Variants in SEC23B observed in about 807,000 individuals in gnomAD.
SEC23B encodes SEC23 homolog B, COPII component.
Under a neutral mutation model 104.3 loss-of-function variants are expected in SEC23B, and 77 were observed. The ratio of observed to expected loss-of-function variants is 0.74; its 90% CI spans 0.61 to 0.89. SEC23B has a LOEUF of 0.89. Ranked by LOEUF, SEC23B falls within the 40% of genes least tolerant of loss-of-function variation. The pLI is 0.00. For synonymous variants in SEC23B, 338 were observed against 332.5 expected (o/e 1.02, Z -0.18); for missense variants, 885 against 949.4 (o/e 0.93, Z 0.89).
chr20:18,508,641 A>G (rs2059953576), intron 1 of SEC23B, among the ~76,000 whole-genome samples: 1 of 151,502 alleles, frequency 6.6e-6, no homozygotes, highest in South Asian at 2.1e-4. Context: ...GGTGAGGGAA[A>G]CAGGCAGTAG....
chr20:18,548,465 G>T, intron 15 of SEC23B, 144 bp from the exon 16 acceptor site: 1 of 760,328 alleles, frequency 1.3e-6, no homozygotes, highest in South Asian at 1.6e-5. Flanking sequence ...AGCCCCTGGT[G>T]CCCCCTTATG....
chr20:18,559,755 G>A (rs954614252), intron 19 of SEC23B, among the ~76,000 whole-genome samples: 4 of 152,160 alleles, frequency 2.6e-5, no homozygotes, highest in African/African-American at 9.7e-5. Flanking sequence ...TGAGGCATAA[G>A]AAAGCCCAAG....
At position 18,543,145 on chromosome 20, in the gene SEC23B, G is replaced by C. The variant is rs138623580; in HGVS notation, c.1638G>C (p.Arg546=). ...AESEEGPDVL[R]WLDRQLIRLC... ...CAGAGGAGGGGCCCGATGTGCTCCG[G>C]TGGCTGGACCGACAACTCATCCGAC... The change falls in exon 14 of 20, where the codon CGG becomes CGC. Residue 546 remains arginine (R), a synonymous_variant. Coordinates refer to ENST00000650089, the MANE Select transcript of SEC23B (RefSeq NM_006363.6). The C allele has an allele frequency of 3.3e-5, 54 of 1,614,100 alleles. No individual in the cohort carries two copies. Among genetic ancestry groups the C allele is most frequent in the African/African-American group, 1.1e-4 (8 of 74,928 alleles).
intron 12 of SEC23B, among the ~76,000 whole-genome samples, chr20:18,539,563 T>G (rs1052656124): frequency 2.0e-5 from 3 of 147,376 alleles, no homozygotes; most frequent in Non-Finnish European, 4.5e-5. Context: ...CAGACTGGTC[T>G]CAAACTCCTG....
intron 8 of SEC23B, 51 bp from the exon 9 acceptor site, chr20:18,527,445 C>G (rs1405419397): frequency 3.0e-6 from 3 of 994,972 alleles, no homozygotes; most frequent in Non-Finnish European, 3.3e-6. Flanking sequence ...TTCAGGCATA[C>G]CTTGGGAATA....
At chr20:18,543,854 G>A (rs950674034) in intron 14 of SEC23B, among the ~76,000 whole-genome samples, 3 of 152,134 alleles carry the variant, frequency 2.0e-5, no homozygotes, top group African/African-American at 7.2e-5. Flanking sequence ...CACCCTCCAG[G>A]GTGCCAGGGA....
chr20:18,518,274 A>G (rs541239052), intron 4 of SEC23B, among the ~76,000 whole-genome samples: 1 of 152,338 alleles, frequency 6.6e-6, no homozygotes, highest in South Asian at 2.1e-4. Flanking sequence ...CCATCCAGTG[A>G]AAGTGTCTAC....
At chr20:18,524,693 G>A (rs1238340543) in intron 5 of SEC23B, 24 bp downstream of exon 5, 1 of 1,581,904 alleles carries the variant, frequency 6.3e-7, no homozygotes, top group East Asian at 2.2e-5. Context: ...TTGTACAGGA[G>A]CAGAAACAAG....
intron 4 of SEC23B, among the ~76,000 whole-genome samples, chr20:18,516,795 C>T (rs1368259717): frequency 6.6e-6 from 1 of 152,008 alleles, no homozygotes; most frequent in Non-Finnish European, 1.5e-5. Flanking sequence ...CCTTGTGATC[C>T]ACCCACCTCG....
At chr20:18,520,171 A>G (rs1021903209) in intron 4 of SEC23B, among the ~76,000 whole-genome samples, 3 of 152,192 alleles carry the variant, frequency 2.0e-5, no homozygotes, top group African/African-American at 4.8e-5. Flanking sequence ...TGGATAGGCA[A>G]AACAATTTGG....
chr20:18,526,418 G>A lies in SEC23B; in HGVS notation c.880G>A (p.Gly294Ser). Residue 294 changes from glycine (G) to serine (S), a missense_variant, in exon 8 of 20, where the codon GGT becomes AGT. Coordinates refer to ENST00000650089, the MANE Select transcript of SEC23B (RefSeq NM_006363.6). ...TGARIMLFTGGPPTQGPGMVV... is the reference protein window; with the variant it reads ...TGARIMLFTGSPPTQGPGMVV... ...AGCCAGGATCATGCTGTTTACTGGA[G>A]GTCCCCCTACCCAAGGGCCTGGCAT... 1.2e-6 allele frequency: 2 copies of A among 1,614,188 alleles called. No individual in the cohort carries two copies. The highest frequency in any genetic ancestry group is 1.7e-6 in the Non-Finnish European group (2 of 1,180,032).
chr20:18,515,334 A>G (rs1239154298), intron 3 of SEC23B, among the ~76,000 whole-genome samples: 1 of 152,104 alleles, frequency 6.6e-6, no homozygotes, highest in East Asian at 1.9e-4. Flanking sequence ...TTTTTGAGAC[A>G]GAGTCTTGCT....
chr20:18,549,649 A>C (rs1055837253), intron 16 of SEC23B, among the ~76,000 whole-genome samples: 2 of 152,218 alleles, frequency 1.3e-5, no homozygotes, highest in African/African-American at 4.8e-5. Context: ...AACTATATGG[A>C]AAAAAACAAA....
chr20:18,551,360 G>A (rs866772426), intron 17 of SEC23B, among the ~76,000 whole-genome samples, 185 bp downstream of exon 17: 1 of 152,074 alleles, frequency 6.6e-6, no homozygotes. Context: ...AAAGCACCAT[G>A]GCTTTTATTC....
Position 18,555,198 on chromosome 20 carries a change from GA to G in SEC23B, c.2214+26del, listed in dbSNP as rs1402970284. On this transcript the variant is annotated intron_variant, in intron 19 of 19. Transcript: ENST00000650089. ...GGTAAGAAATCTTCAGGTATTTGGG[GA>G]GGATGCTAAGCTAGTTTTTTTTTAA... 5.7e-6 allele frequency: 9 copies of G among 1,584,558 alleles called. No individual in the cohort carries two copies. The African/African-American group carries it at 1.1e-4, about 19-fold the overall frequency.
Position 18,554,408 on chromosome 20 carries a change from T to TA in SEC23B, c.2148+20dup. ...GCAGTCAGGTGAGTGAGCTGAGTTC[T>TA]AACTCCAGTGGTTTGTTCGTTTTAT... On this transcript the variant is annotated intron_variant, in intron 18 of 19. Transcript: ENST00000650089. The TA allele has an allele frequency of 1.2e-6, 2 of 1,614,158 alleles. No homozygotes were observed. Among genetic ancestry groups the TA allele is most frequent in the Non-Finnish European group, 1.7e-6 (2 of 1,179,966 alleles).
chr20:18,532,792 C>G, intron 11 of SEC23B, 48 bp downstream of exon 11: 1 of 1,372,006 alleles, frequency 7.3e-7, no homozygotes, highest in Non-Finnish European at 1.0e-6. Flanking sequence ...CGGATTTAAC[C>G]CGTCAGAAGT....
Position 18,527,558 on chromosome 20 carries a change from T to C in SEC23B, c.1056T>C (p.Cys352=). 6.2e-7 allele frequency: 1 copy of C among 1,613,934 alleles called. No homozygotes were observed. The highest frequency in any genetic ancestry group is 1.1e-5 in the South Asian group (1 of 91,082). The change falls in exon 9 of 20, where the codon TGT becomes TGC. Residue 352 remains cysteine (C), a synonymous_variant. Coordinates refer to ENST00000650089, the MANE Select transcript of SEC23B (RefSeq NM_006363.6). ...GTCACTGCATTGATATTTATGCTTG[T>C]GCCCTTGATCAAACTGGACTTTTGG... ...ANGHCIDIYA[C]ALDQTGLLEM...
In SEC23B at chr20:18,560,816, G is replaced by T; in HGVS notation, c.*76G>T. The T allele has an allele frequency of 9.3e-7, 1 of 1,073,782 alleles. No homozygotes were observed. The highest frequency in any genetic ancestry group is 1.5e-6 in the Non-Finnish European group (1 of 687,960). The allele number at this position is 1,073,782 out of a possible 1,614,324, so 66.5% of individuals were successfully genotyped here. A position where few individuals can be genotyped will look rare whatever the true frequency, so the allele number is the denominator to read the frequency against. On this transcript the variant is annotated 3_prime_UTR_variant, in exon 20 of 20. Coordinates refer to ENST00000650089, the MANE Select transcript of SEC23B (RefSeq NM_006363.6). ...TCTAGAAAGGCTTGATAACATTCCT[G>T]TTACTTTTCTAGCAGATTTTAACAA... is the stretch of plus-strand genomic sequence containing the variant.
Sources: gnomAD v4.1 joint callset for allele counts (sites outside exome capture counted in the v4.1 genomes callset) on GRCh38, gnomAD v4.1.1 for gene constraint, MANE v1.5 for transcripts, NCBI Gene and HGNC (gene_info 2026-07-23, HGNC 2026-07-21) for gene names.